Variants in CCNY observed in about 807,000 individuals in gnomAD.
CCNY encodes cyclin Y, also known as cyclin-Y.
A neutral mutation model predicts 42.8 loss-of-function variants in CCNY; 19 were observed. The ratio of observed to expected loss-of-function variants is 0.44; its 90% CI spans 0.31 to 0.65. The LOEUF is 0.65. Among genes scored for constraint, CCNY ranks in the 30% least tolerant of loss-of-function variants. The pLI is 0.07. For synonymous variants in CCNY, 165 were observed against 162.7 expected, an observed-to-expected ratio of 1.01 and a Z score of -0.11; for missense variants, 370 against 437.3, an observed-to-expected ratio of 0.85 and a Z score of 1.37.
intron 1 of CCNY, among the ~76,000 whole-genome samples, chr10:35,377,785 T>TA (rs1163233915): frequency 6.6e-6 from 1 of 152,194 alleles, no homozygotes; most frequent in Non-Finnish European, 1.5e-5. Flanking sequence ...ATTTTTATTT[T>TA]AAAAAATCTT....
chr10:35,322,566 G>A (rs1414299343), intron 3 of CCNY, among the ~76,000 whole-genome samples: 1 of 152,060 alleles, frequency 6.6e-6, no homozygotes, highest in Non-Finnish European at 1.5e-5. Context: ...ACAAAATGAA[G>A]ACAAGTCACA....
chr10:35,405,341 G>A (rs112278571), intron 1 of CCNY, among the ~76,000 whole-genome samples: 227 of 152,248 alleles, frequency 1.5e-3, no homozygotes, highest in Non-Finnish European at 2.3e-3. Flanking sequence ...AGGGAGTAGA[G>A]GTGTCCTATG....
At chr10:35,563,742 C>T (rs1224723910) in intron 8 of CCNY, among the ~76,000 whole-genome samples, 2 of 152,094 alleles carry the variant, frequency 1.3e-5, no homozygotes, top group East Asian at 1.9e-4. Flanking sequence ...GTTTCGCTCT[C>T]GTTGCCCAGG....
At chr10:35,264,920 C>T (rs1405645850) in intron 3 of CCNY, among the ~76,000 whole-genome samples, 8 of 152,124 alleles carry the variant, frequency 5.3e-5, no homozygotes, top group Admixed American at 3.9e-4. Flanking sequence ...TGAGCCACCG[C>T]GCCCGGCCTT....
chr10:35,395,821 C>T (rs1382537227), intron 1 of CCNY, among the ~76,000 whole-genome samples: 1 of 152,190 alleles, frequency 6.6e-6, no homozygotes, highest in Admixed American at 6.5e-5. Context: ...TCACCTTCAG[C>T]TGTCCTGGGT....
chr10:35,426,392 C>T (rs1392173321), intron 1 of CCNY, among the ~76,000 whole-genome samples: 1 of 152,160 alleles, frequency 6.6e-6, no homozygotes, highest in Non-Finnish European at 1.5e-5. Context: ...AGAAAAACTA[C>T]AGAAACATAA....
chr10:35,553,290 A>G (rs1215790731), intron 8 of CCNY, 105 bp downstream of exon 8: 2 of 1,069,818 alleles, frequency 1.9e-6, no homozygotes, highest in Non-Finnish European at 2.6e-6. Flanking sequence ...GAATGCATGC[A>G]TTTGACTGAA....
rs184305949 is a variant in CCNY at position 35,543,793 on chromosome 10, G to A, written c.580-9226G>A. Among the ~76,000 whole-genome samples the A allele has an allele frequency of 3.9e-3, 591 of 152,286 alleles. 1 individual carries two copies. The highest frequency in any genetic ancestry group is 6.9e-3 in the Non-Finnish European group (471 of 68,026). Reference sequence around the variant, plus strand: ...CAGGCAGGAGACCACTGCTTTGTGTGTATTATTGCCTCTGGAGACCTGGCA... The same window carrying A: ...CAGGCAGGAGACCACTGCTTTGTGTATATTATTGCCTCTGGAGACCTGGCA... On this transcript the variant is annotated intron_variant, in intron 7 of 9. Coordinates refer to ENST00000374704, the MANE Select transcript of CCNY (RefSeq NM_145012.6).
At chr10:35,526,105 A>G (rs1309211757) in intron 5 of CCNY, 106 bp downstream of exon 5, 1 of 976,182 alleles carries the variant, frequency 1.0e-6, no homozygotes, top group African/African-American at 1.7e-5. Flanking sequence ...TACTTTCTTA[A>G]CTCATATTTT....
chr10:35,276,676 G>A (rs569921081), intron 3 of CCNY, among the ~76,000 whole-genome samples: 7 of 152,332 alleles, frequency 4.6e-5, no homozygotes, highest in African/African-American at 1.4e-4. Flanking sequence ...ACGAGCCACT[G>A]TGCCTGGCAG....
At chr10:35,462,467 AAATCAGG>A (rs1258363995) in intron 1 of CCNY, among the ~76,000 whole-genome samples, 1 of 152,198 alleles carries the variant, frequency 6.6e-6, no homozygotes, top group Admixed American at 6.5e-5. Context: ...CCTCTTCTGA[AAATCAGG>A]AAACCATGGT....
upstream of CCNY, chr10:35,336,121 C>G (rs1397296230): frequency 6.6e-6 from 1 of 152,224 alleles, no homozygotes; most frequent in African/African-American, 2.4e-5. Context: ...AAGAGCCAGC[C>G]CGGTTTCGGA....
intron 1 of CCNY, among the ~76,000 whole-genome samples, chr10:35,415,826 C>A (rs927715197): frequency 5.9e-5 from 9 of 152,302 alleles, no homozygotes; most frequent in African/African-American, 2.2e-4. Context: ...TCTTGCTGTA[C>A]CTTTCACACA....
chr10:35,454,515 G>A (rs913471259), intron 1 of CCNY, among the ~76,000 whole-genome samples: 1 of 152,216 alleles, frequency 6.6e-6, no homozygotes, highest in Non-Finnish European at 1.5e-5. Context: ...GTAGAGTTAG[G>A]GGTGGAAAGC....
intron 3 of CCNY, among the ~76,000 whole-genome samples, chr10:35,273,852 T>C (rs1835204689): frequency 1.3e-5 from 2 of 152,156 alleles, no homozygotes; most frequent in Non-Finnish European, 2.9e-5. Flanking sequence ...CAGGTCCCTC[T>C]AGTATATATA....
intron 1 of CCNY, among the ~76,000 whole-genome samples, chr10:35,364,546 A>G (rs1213530402): frequency 6.6e-6 from 1 of 152,192 alleles, no homozygotes; most frequent in African/African-American, 2.4e-5. Context: ...ATGCTCTTTG[A>G]GTGTGTTCAT....
chr10:35,432,266 A>T (rs1233150121), intron 1 of CCNY, among the ~76,000 whole-genome samples: 1 of 152,200 alleles, frequency 6.6e-6, no homozygotes, highest in Non-Finnish European at 1.5e-5. Context: ...TTGATTTGTA[A>T]AATGAGAATA....
At chr10:35,438,478 A>G (rs912898708) in intron 1 of CCNY, among the ~76,000 whole-genome samples, 6 of 152,152 alleles carry the variant, frequency 3.9e-5, no homozygotes, top group Admixed American at 3.3e-4. Context: ...TAAGAGTTAT[A>G]TAATATTCTG....
At chr10:35,477,444 C>T (rs1839541451) in intron 1 of CCNY, among the ~76,000 whole-genome samples, 1 of 150,614 alleles carries the variant, frequency 6.6e-6, no homozygotes, top group African/African-American at 2.5e-5. Context: ...CCACCATGAT[C>T]AAGTGGGCTT....
Sources: allele counts gnomAD v4.1 joint callset (sites outside exome capture counted in the v4.1 genomes callset), GRCh38; gene constraint gnomAD v4.1.1; transcripts MANE v1.5; gene names NCBI Gene and HGNC (gene_info 2026-07-23, HGNC 2026-07-21).